PTCH1: variants seen among roughly 807,000 people sequenced by gnomAD.
PTCH1 encodes the protein protein patched homolog 1.
In PTCH1, 14 loss-of-function variants were observed where a neutral mutation model predicts 144.6. The ratio of observed to expected loss-of-function variants is 0.10; its 90% confidence interval spans 0.06 to 0.15. PTCH1 has a LOEUF of 0.15. PTCH1 is among the 10% of genes least tolerant of loss of function. The pLI, the probability that PTCH1 is intolerant of heterozygous loss-of-function variation, is 1.00. For synonymous variants in PTCH1, 833 were observed against 793.6 expected (o/e 1.05, Z -0.83); for missense variants, 1,623 against 1,948.3 (o/e 0.83, Z 3.14).
chr9:95,446,413 G>A (rs199541400), intron 23 of PTCH1, 22 bp from the exon 24 acceptor site: 3 of 518,836 alleles, frequency 5.8e-6, no homozygotes, highest in Non-Finnish European at 1.2e-5. Flanking sequence ...AGCAAAAAAG[G>A]AAGTTGAACA....
upstream of PTCH1, among the ~76,000 whole-genome samples, chr9:95,510,732 GA>G (rs987142588): frequency 1.5e-4 from 22 of 146,686 alleles, no homozygotes; most frequent in African/African-American, 4.3e-4. Flanking sequence ...TATGTTCATT[GA>G]AAAAAAAAGA....
rs765746826 is a variant in PTCH1 at position 95,459,630 on chromosome 9, C to T, written c.2857G>A (p.Ala953Thr). Residue 953 changes from alanine (A) to threonine (T), a missense_variant, in exon 17 of 24, where the codon GCC becomes ACC. Ala to Thr is a moderately conservative substitution (Grantham distance 58). Transcript: ENST00000331920. ...AGCCTTGTTTCAGGCATGTAGTCGG[C>T]TTTGTCGTGGACCCATTCTGGTCGG... Reference protein sequence around the residue: ...PHRPEWVHDKADYMPETRLRI... With the variant: ...PHRPEWVHDKTDYMPETRLRI... 2 of 1,614,052 alleles carry T rather than the reference C, an allele frequency of 1.2e-6. No homozygotes were observed. The highest frequency in any genetic ancestry group is 1.7e-6 in the Non-Finnish European group (2 of 1,180,038).
At chr9:95,510,732 G>GA (rs987142588), upstream of PTCH1, among the ~76,000 whole-genome samples, 9 of 146,690 alleles carry the variant, frequency 6.1e-5, no homozygotes, top group South Asian at 1.5e-3. Context: ...TATGTTCATT[G>GA]AAAAAAAAAG....
At chr9:95,455,641 G>C (rs752113280) in intron 19 of PTCH1, among the ~76,000 whole-genome samples, 31 of 152,208 alleles carry the variant, frequency 2.0e-4, no homozygotes, top group Non-Finnish European at 3.8e-4. Context: ...TAGAGAAAAA[G>C]AGAGGGAAAA....
chr9:95,452,007 T>A (rs1324090429), intron 20 of PTCH1: 2 of 152,218 alleles, frequency 1.3e-5, no homozygotes, highest in Non-Finnish European at 2.9e-5. Context: ...TAGCTGGAGA[T>A]GCAGACCCAG....
intron 12 of PTCH1, among the ~76,000 whole-genome samples, chr9:95,471,121 A>T (rs1337184852): frequency 2.0e-5 from 3 of 152,090 alleles, no homozygotes; most frequent in African/African-American, 7.2e-5. Context: ...GAAAATAAAA[A>T]ACGAGGCTTC....
At chr9:95,495,661 A>G (rs1842740526) in intron 2 of PTCH1, among the ~76,000 whole-genome samples, 1 of 152,100 alleles carries the variant, frequency 6.6e-6, no homozygotes. Context: ...CTCCTCTTCT[A>G]AAGGACCAAT....
At chr9:95,497,966 C>T (rs891338468) in intron 2 of PTCH1, among the ~76,000 whole-genome samples, 10 of 150,152 alleles carry the variant, frequency 6.7e-5, no homozygotes, top group Middle Eastern at 3.2e-3. Flanking sequence ...CCTCGTGGCA[C>T]GGAGTGGTGT....
intron 2 of PTCH1, among the ~76,000 whole-genome samples, chr9:95,496,110 T>G (rs934191917): frequency 2.0e-5 from 3 of 152,198 alleles, no homozygotes; most frequent in Non-Finnish European, 4.4e-5. Context: ...CACAATACTT[T>G]CGCACAGCCC....
chr9:95,513,824 C>T (rs939987971), upstream of PTCH1, among the ~76,000 whole-genome samples: 1 of 152,110 alleles, frequency 6.6e-6, no homozygotes, highest in African/African-American at 2.4e-5. Flanking sequence ...TTATTTACCC[C>T]CTCCCCAGGC....
Position 95,458,354 on chromosome 9 carries a change from T to A in PTCH1, c.2888-61A>T. ...GGGTAGAAGAGCATCACAGTTTCAA[T>A]GGAAAGAGAGAAGAACTTTGCATGA... On this transcript the variant is annotated intron_variant, in intron 17 of 23. Coordinates refer to ENST00000331920, the MANE Select transcript of PTCH1 (RefSeq NM_000264.5). The surrounding 1 kb of genome is among the most constrained non-coding windows in gnomAD (Gnocchi z 4.7). 1.3e-6 allele frequency: 2 copies of A among 1,575,698 alleles called. No homozygotes were observed. The highest frequency in any genetic ancestry group is 1.7e-6 in the Non-Finnish European group (2 of 1,157,648).
chr9:95,466,347 A>G (rs944277226), intron 15 of PTCH1, among the ~76,000 whole-genome samples: 1 of 152,218 alleles, frequency 6.6e-6, no homozygotes, highest in Non-Finnish European at 1.5e-5. Flanking sequence ...GTGCCCCACC[A>G]AGAAAGGCAT....
At chr9:95,448,236 G>T (rs1028121025) in intron 22 of PTCH1, among the ~76,000 whole-genome samples, 1 of 152,196 alleles carries the variant, frequency 6.6e-6, no homozygotes, top group Non-Finnish European at 1.5e-5. Flanking sequence ...GCGTCGTCGC[G>T]GGGGGTAGGA....
chr9:95,465,374 A>G (rs551566907), intron 15 of PTCH1, among the ~76,000 whole-genome samples: 1 of 152,192 alleles, frequency 6.6e-6, no homozygotes, highest in Admixed American at 6.5e-5. Flanking sequence ...CAATGGGGGG[A>G]AAATGAAAGC....
Position 95,455,418 on chromosome 9 carries a change from G to A in PTCH1, c.3306+858C>T, listed in dbSNP as rs139811231. ...GCTGGCTTCCTAGCTAGGGTATTTC[G>A]CACGTCGATATTTAACAGGTGAACG... On this transcript the variant is annotated intron_variant, in intron 19 of 23. Coordinates refer to ENST00000331920, the MANE Select transcript of PTCH1 (RefSeq NM_000264.5). Among the ~76,000 whole-genome samples, 452 of 152,316 alleles carry A rather than the reference G, an allele frequency of 3.0e-3. 5 individuals are homozygous for A. The highest frequency in any genetic ancestry group is 0.01 in the African/African-American group (424 of 41,566).
rs746323188 is a variant in PTCH1, at chr9:95,482,121, G to C, written c.654+13C>G. The stretch of plus-strand genomic sequence containing the variant: ...GTTCCTGAGAAATTTTTGCCAACAA[G>C]AAGAAAATATACCTGATCCATGTAA... On this transcript the variant is annotated intron_variant, in intron 4 of 23. Transcript: ENST00000331920. 6 of 1,613,830 alleles carry C rather than the reference G, an allele frequency of 3.7e-6. No individual in the cohort carries two copies. The African/African-American group carries it at 8.0e-5, about 22-fold the overall frequency.
chr9:95,465,723 C>G (rs998501570), intron 15 of PTCH1, among the ~76,000 whole-genome samples: 2 of 152,152 alleles, frequency 1.3e-5, no homozygotes, highest in African/African-American at 4.8e-5. Context: ...CCAAAAAAGG[C>G]ACTTACATCT....
intron 2 of PTCH1, among the ~76,000 whole-genome samples, chr9:95,491,782 T>G (rs1179692807): frequency 6.6e-6 from 1 of 152,230 alleles, no homozygotes; most frequent in Admixed American, 6.5e-5. Context: ...AAAACCTTCC[T>G]GAGTGCCAAT....
chr9:95,467,179 T>C lies in PTCH1; in HGVS notation c.2497A>G (p.Met833Val), dbSNP rs771222407. ...GGAAGCTGTTTGTTTTCTTCCAACA[T>C]GACATACTTCACGTTACTGAAACTC... is the stretch of plus-strand genomic sequence containing the variant. ...HRSFSNVKYV[M>V]LEENKQLPKM... Residue 833 changes from methionine to valine, a missense_variant, in exon 15 of 24, where the codon ATG becomes GTG. Met to Val is a conservative substitution (Grantham distance 21). Coordinates refer to ENST00000331920, the MANE Select transcript of PTCH1 (RefSeq NM_000264.5). 7 of 1,614,130 alleles carry C rather than the reference T, an allele frequency of 4.3e-6. No individual in the cohort carries two copies. The African/African-American group carries it at 9.3e-5, about 22-fold the overall frequency.
Sources: gnomAD v4.1 joint callset for allele counts (sites outside exome capture counted in the v4.1 genomes callset) on GRCh38, gnomAD v4.1.1 for gene constraint, Gnocchi (gnomAD v3.1) non-coding constraint, MANE v1.5 for transcripts, NCBI Gene and HGNC (gene_info 2026-07-23, HGNC 2026-07-21) for gene names.